The following DACH2 variants were observed in gnomAD, a reference collection of about 807,000 sequenced individuals.
DACH2 encodes dachshund homolog 2.
A neutral mutation model predicts 35.8 loss-of-function variants in DACH2; 17 were observed. The observed-to-expected ratio is 0.48, with a 90% CI of 0.33 to 0.71. The LOEUF is 0.71. Ranked by LOEUF, DACH2 falls within the 30% of genes least tolerant of loss-of-function variation. The probability of loss-of-function intolerance (pLI) is 0.02; values close to 1 mark genes in which losing one functional copy is unlikely to be tolerated. For missense variants in DACH2, 469 were observed against 472.7 expected, an observed-to-expected ratio of 0.99 and a Z score of 0.07; for synonymous variants, 195 against 177.3, an observed-to-expected ratio of 1.10 and a Z score of -0.79.
chrX:86,548,867 G>A (rs1355955400), intron 3 of DACH2, among the ~76,000 whole-genome samples: 1 of 112,038 alleles, frequency 8.9e-6, no homozygotes, highest in Non-Finnish European at 1.9e-5. Flanking sequence ...AGAGGAAAAT[G>A]TACTATTTTG....
chrX:86,812,190 C>A (rs979450930), intron 7 of DACH2, among the ~76,000 whole-genome samples: 1 of 111,284 alleles, frequency 9.0e-6, no homozygotes, highest in African/African-American at 3.3e-5. Flanking sequence ...GAGAAAGAAG[C>A]CAGGCACAAA....
chrX:86,375,709 C>T lies in DACH2; in HGVS notation c.489-1115C>T, dbSNP rs193137165. ...GAAAAAAGGCTCACCTTCACTCTTA[C>T]CTCCTCTCCCCAGCAACCCCAGATA... On this transcript the variant is annotated intron_variant, in intron 1 of 11. Coordinates refer to ENST00000373125, the MANE Select transcript of DACH2 (RefSeq NM_053281.3). Among the ~76,000 whole-genome samples, 325 of 108,314 alleles carry T rather than the reference C, an allele frequency of 3.0e-3. 1 individual carries two copies. Among genetic ancestry groups the T allele is most frequent in the African/African-American group, 0.01 (309 of 30,014 alleles). The allele number at this position is 108,314 out of a possible 115,157, so 94.1% of individuals were successfully genotyped here.
At chrX:86,331,742 C>A (rs2035216955) in intron 1 of DACH2, among the ~76,000 whole-genome samples, 1 of 111,026 alleles carries the variant, frequency 9.0e-6, no homozygotes, top group African/African-American at 3.3e-5. Context: ...ATACACTATA[C>A]AAGTGTCAAC....
chrX:86,164,325 T>C (rs2030868384), intron 1 of DACH2, among the ~76,000 whole-genome samples: 1 of 111,404 alleles, frequency 9.0e-6, no homozygotes, highest in South Asian at 3.7e-4. Context: ...CTTATAGATA[T>C]TTGATATTAC....
rs747780389 is a variant in DACH2, at chrX:86,295,793, C to T, written c.489-81031C>T. ...CAATAAGCTTCAAAAGACAGAGGAG[C>T]CAGGGGGATTTGGGAGGGGTGGCAT... is the stretch of plus-strand genomic sequence containing the variant. On this transcript the variant is annotated intron_variant, in intron 1 of 11. Coordinates refer to ENST00000373125, the MANE Select transcript of DACH2 (RefSeq NM_053281.3). Among the ~76,000 whole-genome samples the T allele has an allele frequency of 2.7e-5, 3 of 110,311 alleles. No individual in the cohort carries two copies. The South Asian group carries it at 1.2e-3, about 43-fold the overall frequency.
intron 1 of DACH2, among the ~76,000 whole-genome samples, chrX:86,306,887 G>C (rs1447521541): frequency 9.0e-6 from 1 of 111,601 alleles, no homozygotes; most frequent in African/African-American, 3.3e-5. Context: ...AAATGATGAA[G>C]TTTTTCCCTT....
At chrX:86,511,831 C>T (rs2038401273) in intron 2 of DACH2, among the ~76,000 whole-genome samples, 2 of 111,708 alleles carry the variant, frequency 1.8e-5, no homozygotes, top group Admixed American at 1.9e-4. Context: ...CCATAGCCTT[C>T]TTTACCCTTG....
chrX:86,438,359 G>T (rs774138817), intron 2 of DACH2, among the ~76,000 whole-genome samples: 1 of 109,296 alleles, frequency 9.1e-6, no homozygotes, highest in African/African-American at 3.3e-5. Context: ...AAGGAGCTGG[G>T]ATTACAGGCC....
At chrX:86,733,850 C>T (rs2041562706) in intron 6 of DACH2, among the ~76,000 whole-genome samples, 1 of 111,159 alleles carries the variant, frequency 9.0e-6, no homozygotes, top group Non-Finnish European at 1.9e-5. Context: ...AATTAGTCAA[C>T]ACAGAGGTTT....
chrX:86,254,556 T>C, intron 1 of DACH2, among the ~76,000 whole-genome samples: 1 of 107,644 alleles, frequency 9.3e-6, no homozygotes, highest in Non-Finnish European at 1.9e-5. Context: ...GAGGCTTTAA[T>C]TAAAGGATCC....
chrX:86,316,967 A>C (rs1355530885), intron 1 of DACH2, among the ~76,000 whole-genome samples: 2 of 109,525 alleles, frequency 1.8e-5, no homozygotes, highest in African/African-American at 6.7e-5. Flanking sequence ...AAAATACAAA[A>C]ATTAGCAGAG....
chrX:86,388,948 C>T (rs2036161608), intron 2 of DACH2, among the ~76,000 whole-genome samples: 1 of 111,069 alleles, frequency 9.0e-6, no homozygotes, highest in Non-Finnish European at 1.9e-5. Flanking sequence ...CTCTCTTGCT[C>T]AAAAAATACA....
In DACH2 at chrX:86,719,060, A is replaced by T. The variant is rs186471228; in HGVS notation, c.1104+4340A>T. ...GCGTTAAATCTGTAGATTGCTTTGCACAGTATGGTCATTTTAATAATGTTA... is the reference window on the plus strand; with the variant it reads ...GCGTTAAATCTGTAGATTGCTTTGCTCAGTATGGTCATTTTAATAATGTTA... On this transcript the variant is annotated intron_variant, in intron 6 of 11. Transcript: ENST00000373125. Among the ~76,000 whole-genome samples, 3 of 112,261 alleles carry T rather than the reference A, an allele frequency of 2.7e-5. No individual in the cohort carries two copies. The East Asian group carries it at 8.4e-4, about 31-fold the overall frequency.
intron 2 of DACH2, among the ~76,000 whole-genome samples, chrX:86,484,574 T>C (rs1328935280): frequency 8.9e-6 from 1 of 112,388 alleles, no homozygotes; most frequent in East Asian, 2.8e-4. Flanking sequence ...TCTGACTTAT[T>C]CAGGTTTTTG....
At chrX:86,446,577 G>A (rs2037286105) in intron 2 of DACH2, among the ~76,000 whole-genome samples, 1 of 42,610 alleles carries the variant, frequency 2.3e-5, no homozygotes, top group Non-Finnish European at 4.3e-5. Context: ...AGTTTACTGA[G>A]AATGATGGTT....
Position 86,608,044 on chromosome X carries a change from A to G in DACH2, c.641-42992A>G, listed in dbSNP as rs772889422. On this transcript the variant is annotated intron_variant, in intron 3 of 11. Coordinates refer to ENST00000373125, the MANE Select transcript of DACH2 (RefSeq NM_053281.3). ...AGTCTTTGCTATTGTGAATAATGCC[A>G]CAATAAACATACGTGTGCATGTGTC... Among the ~76,000 whole-genome samples the G allele has an allele frequency of 9.8e-3, 1,051 of 107,787 alleles. 17 individuals are homozygous for G. The highest frequency in any genetic ancestry group is 0.034 in the African/African-American group (992 of 29,490). 93.6% of individuals were successfully genotyped at this position (107,787 alleles called of 115,157 possible).
chrX:86,804,015 T>A (rs1023716210), intron 7 of DACH2, among the ~76,000 whole-genome samples: 3 of 111,905 alleles, frequency 2.7e-5, no homozygotes, highest in African/African-American at 9.7e-5. Context: ...TGACTTTTTT[T>A]CTTATTAAGC....
chrX:86,167,139 G>T (rs974088781), intron 1 of DACH2, among the ~76,000 whole-genome samples: 1 of 111,160 alleles, frequency 9.0e-6, no homozygotes, highest in African/African-American at 3.3e-5. Flanking sequence ...ATTGGGTTTC[G>T]TTCTTTTTAA....
chrX:86,789,502 G>C (rs1268392741), intron 7 of DACH2, among the ~76,000 whole-genome samples: 1 of 111,755 alleles, frequency 8.9e-6, no homozygotes, highest in East Asian at 2.8e-4. Flanking sequence ...AATAAATGGA[G>C]TCTATTTCAA....
Sources: gnomAD v4.1 joint callset for allele counts (sites outside exome capture counted in the v4.1 genomes callset) on GRCh38, gnomAD v4.1.1 for gene constraint, MANE v1.5 for transcripts, NCBI Gene and HGNC (gene_info 2026-07-23, HGNC 2026-07-21) for gene names.